Variants in ABCA4 observed in about 807,000 individuals in gnomAD.
ABCA4 encodes retinal-specific phospholipid-transporting ATPase ABCA4.
In ABCA4, 196 loss-of-function variants were observed where a neutral mutation model predicts 263.7. The ratio of observed to expected loss-of-function variants is 0.74; its 90% CI spans 0.66 to 0.84. The LOEUF is 0.84. Among genes scored for constraint, ABCA4 ranks in the 40% least tolerant of loss-of-function variants. The probability of loss-of-function intolerance (pLI) is 0.00; values close to 1 mark genes in which losing one functional copy is unlikely to be tolerated. For synonymous variants in ABCA4, 1,133 were observed against 1,094.2 expected (o/e 1.04, Z -0.70); for missense variants, 2,792 against 2,855.1 (o/e 0.98, Z 0.50).
Position 94,019,326 on chromosome 1 carries a change from G to A in ABCA4, c.5196+256C>T, listed in dbSNP as rs1659829440. 1.5e-5 allele frequency: 7 copies of A among 480,990 alleles called. No homozygotes were observed. The Admixed American group carries it at 2.3e-4, about 16-fold the overall frequency. The allele number at this position is 480,990 out of a possible 1,614,324, so 29.8% of individuals were successfully genotyped here. A position where few individuals can be genotyped will look rare whatever the true frequency, so the allele number is the denominator to read the frequency against. On this transcript the variant is annotated intron_variant, in intron 36 of 49. Coordinates refer to ENST00000370225, the MANE Select transcript of ABCA4 (RefSeq NM_000350.3). Reference sequence around the variant, plus strand: ...ATTTGATGGGTCAGAAGACCCCTCAGTGCAGGACATAGAGAGCCCCCGTTC... The same window carrying A: ...ATTTGATGGGTCAGAAGACCCCTCAATGCAGGACATAGAGAGCCCCCGTTC...
Position 94,042,833 on chromosome 1 carries a change from C to T in ABCA4, c.3256G>A (p.Asp1086Asn). The T allele has an allele frequency of 6.2e-7, 1 of 1,614,168 alleles. No homozygotes were observed. Among genetic ancestry groups the T allele is most frequent in the Non-Finnish European group, 8.5e-7 (1 of 1,180,034 alleles). ...FVGDAKVVIL[D>N]EPTSGVDPYS... The stretch of plus-strand genomic sequence containing the variant: ...GGGTCCACCCCAGAGGTGGGTTCGT[C>T]CAGAATCACCACCTTGGCATCTCCC... Residue 1086 changes from aspartate to asparagine, a missense_variant, in exon 22 of 50, where the codon GAC becomes AAC. Coordinates refer to ENST00000370225, the MANE Select transcript of ABCA4 (RefSeq NM_000350.3).
rs2101060127 is a variant in ABCA4, at chr1:94,049,107, A to G, written c.2654-150T>C. ...CTGTGAGGTACTCAAGCCTGATCACACAATCTTTGCCAGAGGAAGATTTAT... is the reference window on the plus strand; with the variant it reads ...CTGTGAGGTACTCAAGCCTGATCACGCAATCTTTGCCAGAGGAAGATTTAT... On this transcript the variant is annotated intron_variant, in intron 17 of 49. Coordinates refer to ENST00000370225, the MANE Select transcript of ABCA4 (RefSeq NM_000350.3). 5.5e-6 allele frequency: 4 copies of G among 721,196 alleles called. No homozygotes were observed. The East Asian group carries it at 1.1e-4, about 19-fold the overall frequency. The allele number at this position is 721,196 out of a possible 1,614,324, so 44.7% of individuals were successfully genotyped here.
chr1:94,010,639 C>G (rs756347273), intron 40 of ABCA4, 161 bp downstream of exon 40: 1 of 1,033,692 alleles, frequency 9.7e-7, no homozygotes, highest in Non-Finnish European at 1.5e-6. Flanking sequence ...CTATTTTAAC[C>G]CGATCCTCTA....
chr1:94,073,993 G>A (rs1251900378), intron 11 of ABCA4, among the ~76,000 whole-genome samples: 3 of 152,200 alleles, frequency 2.0e-5, no homozygotes, highest in Non-Finnish European at 4.4e-5. Flanking sequence ...GGCTTAGCAG[G>A]TAGAGGCACC....
chr1:94,100,257 G>A (rs1662253085), intron 5 of ABCA4, among the ~76,000 whole-genome samples: 1 of 152,200 alleles, frequency 6.6e-6, no homozygotes, highest in Non-Finnish European at 1.5e-5. Context: ...ACTGAAGAGG[G>A]TGTGTTAAGA....
At chr1:93,994,462 C>T (rs919896257) in intron 49 of ABCA4, among the ~76,000 whole-genome samples, 1 of 152,180 alleles carries the variant, frequency 6.6e-6, no homozygotes, top group Non-Finnish European at 1.5e-5. Context: ...CTCACATTTG[C>T]TTAGGAGCAA....
chr1:94,088,238 C>T (rs561623645), intron 6 of ABCA4, among the ~76,000 whole-genome samples: 66 of 152,304 alleles, frequency 4.3e-4, no homozygotes, highest in African/African-American at 1.6e-3. Flanking sequence ...TCCTTTTCCT[C>T]CCTGGTCGTC....
intron 11 of ABCA4, among the ~76,000 whole-genome samples, chr1:94,069,537 G>A (rs1490738041): frequency 1.3e-5 from 2 of 152,182 alleles, no homozygotes; most frequent in East Asian, 1.9e-4. Flanking sequence ...AGAACAAAGC[G>A]GGCGATGAAT....
At chr1:94,095,587 C>T (rs1029903459) in intron 6 of ABCA4, among the ~76,000 whole-genome samples, 13 of 152,104 alleles carry the variant, frequency 8.5e-5, no homozygotes, top group African/African-American at 2.9e-4. Context: ...TCCCTGGCCC[C>T]GGAGCAACCC....
rs761463533 is a variant in ABCA4 at position 94,056,848 on chromosome 1, T to G, written c.2161-26A>C. Reference sequence around the variant, plus strand: ...CTGAAACCAAGAGGCCATGCGTCAGTAACTCCTGCCCTTGGCCGGACGCCT... The same window carrying G: ...CTGAAACCAAGAGGCCATGCGTCAGGAACTCCTGCCCTTGGCCGGACGCCT... On this transcript the variant is annotated intron_variant, in intron 14 of 49. Transcript: ENST00000370225. 8 of 1,558,644 alleles carry G rather than the reference T, an allele frequency of 5.1e-6. No individual in the cohort carries two copies. In the Admixed American group the frequency reaches 7.4e-5, roughly 14 times the overall value.
rs149503495 is a variant in ABCA4 at position 94,040,065 on chromosome 1, T to C, written c.3585A>G (p.Leu1195=). The part of the protein sequence containing the change: ...STTCPAHVDD[L]TPEQVLDGDV... ...TACCATCCAGGACTTGTTCTGGAGTTAGGTCATCGACGTGGGCTGGACACG... is the reference window on the plus strand; with the variant it reads ...TACCATCCAGGACTTGTTCTGGAGTCAGGTCATCGACGTGGGCTGGACACG... The change falls in exon 24 of 50, where the codon CTA becomes CTG. Residue 1195 remains leucine (L), a synonymous_variant. Coordinates refer to ENST00000370225, the MANE Select transcript of ABCA4 (RefSeq NM_000350.3). 4 of 1,608,226 alleles carry C rather than the reference T, an allele frequency of 2.5e-6. No individual in the cohort carries two copies. Among genetic ancestry groups the C allele is most frequent in the Middle Eastern group, 1.6e-4 (1 of 6,078 alleles).
chr1:94,011,529 G>A, intron 38 of ABCA4, 144 bp from the exon 39 acceptor site: 1 of 1,360,210 alleles, frequency 7.4e-7, no homozygotes, highest in Non-Finnish European at 1.0e-6. Flanking sequence ...GGCCACTGGA[G>A]GGATTTGTCC....
chr1:94,063,347 T>G lies in ABCA4; in HGVS notation c.1555-30A>C, dbSNP rs375066303. 3.1e-6 allele frequency: 5 copies of G among 1,602,808 alleles called. No homozygotes were observed. The African/African-American group carries it at 5.4e-5, about 17-fold the overall frequency. On this transcript the variant is annotated intron_variant, in intron 11 of 49. Coordinates refer to ENST00000370225, the MANE Select transcript of ABCA4 (RefSeq NM_000350.3). ...AGAGAGTCACAAAGTTGAGAGAGTG[T>G]GAGGAGGACCAACTGCAAAGACTCA...
In ABCA4 at chr1:94,010,880, G is replaced by T. The variant is rs1659525636; in HGVS notation, c.5634C>A (p.Asn1878Lys). 6.2e-7 allele frequency: 1 copy of T among 1,614,076 alleles called. No individual in the cohort carries two copies. Among genetic ancestry groups the T allele is most frequent in the Non-Finnish European group, 8.5e-7 (1 of 1,180,010 alleles). The change falls in exon 40 of 50, where the codon AAC becomes AAA. Residue 1878 changes from asparagine (N) to lysine (K), a missense_variant. Asn to Lys is a moderately conservative substitution (Grantham distance 94, BLOSUM62 0). Transcript: ENST00000370225. ...NPFHWDLIGK[N>K]LFAMVVEGVV... ...CCCCTTCCACCACCATGGCAAACAG[G>T]TTCTTCCCAATCAGGTCCCAGTGGA...
Position 94,056,809 on chromosome 1 carries a change from A to G in ABCA4, c.2174T>C (p.Leu725Pro), listed in dbSNP as rs765683730. 2 of 1,605,366 alleles carry G rather than the reference A, an allele frequency of 1.2e-6. No homozygotes were observed. The highest frequency in any genetic ancestry group is 8.5e-7 in the Non-Finnish European group (1 of 1,175,630). ...GAGGATGAATGGGTCGCTGTAATGT[A>G]GGATTCTTCCATGCTGAAACCAAGA... is the stretch of plus-strand genomic sequence containing the variant. ...LTIFIMHGRILHYSDPFILFL... is the reference protein window; with the variant it reads ...LTIFIMHGRIPHYSDPFILFL... The change falls in exon 15 of 50, where the codon CTA (leucine) becomes CCA (proline). Residue 725 changes from leucine (L) to proline (P), a missense_variant. By Grantham distance (98) the Leu-to-Pro change is moderately conservative. Coordinates refer to ENST00000370225, the MANE Select transcript of ABCA4 (RefSeq NM_000350.3).
intron 6 of ABCA4, among the ~76,000 whole-genome samples, chr1:94,098,020 G>A (rs1039357045): frequency 3.3e-5 from 5 of 152,188 alleles, no homozygotes; most frequent in African/African-American, 1.2e-4. Context: ...GCCTCCCAAA[G>A]TGCTGGGATT....
chr1:94,036,276 T>G (rs1660333493), intron 26 of ABCA4, among the ~76,000 whole-genome samples: 1 of 150,588 alleles, frequency 6.6e-6, no homozygotes, highest in South Asian at 2.1e-4. Context: ...TGTTATTCCT[T>G]TGTCACTCAA....
chr1:94,073,726 C>T (rs1161605430), intron 11 of ABCA4, among the ~76,000 whole-genome samples: 1 of 152,100 alleles, frequency 6.6e-6, no homozygotes, highest in Non-Finnish European at 1.5e-5. Flanking sequence ...TGTTTGGTGC[C>T]TGGGGCTGCA....
chr1:94,044,072 T>C (rs71510767), intron 20 of ABCA4, among the ~76,000 whole-genome samples: 259 of 4,118 alleles, frequency 0.063, 5 homozygotes, highest in African/African-American at 0.081. Flanking sequence ...CTCGCTTCCT[T>C]CTCCCCTCCC....
Sources: allele counts gnomAD v4.1 joint callset (sites outside exome capture counted in the v4.1 genomes callset), GRCh38; gene constraint gnomAD v4.1.1; transcripts MANE v1.5; gene names NCBI Gene and HGNC (gene_info 2026-07-23, HGNC 2026-07-21).